Variants in G3BP1 observed in about 807,000 individuals in gnomAD.
G3BP1 encodes the protein ras GTPase-activating protein-binding protein 1.
G3BP1 carries 35 observed loss-of-function variants against 58.6 expected under a neutral mutation model. The observed-to-expected ratio is 0.60, with a 90% CI of 0.46 to 0.79. The LOEUF is 0.79. Ranked by LOEUF, G3BP1 falls within the 30% of genes least tolerant of loss-of-function variation. The pLI is 0.00. For synonymous variants in G3BP1, 191 were observed against 195.4 expected (o/e 0.98, Z 0.19); for missense variants, 523 against 580.8 (o/e 0.90, Z 1.02).
intron 1 of G3BP1, among the ~76,000 whole-genome samples, chr5:151,773,445 C>T (rs1762312695): frequency 6.6e-6 from 1 of 152,114 alleles, no homozygotes; most frequent in East Asian, 1.9e-4. Context: ...GTGTACACTC[C>T]GTTTATTTAG....
At chr5:151,793,221 G>C (rs190329109) in intron 4 of G3BP1, among the ~76,000 whole-genome samples, 1 of 152,066 alleles carries the variant, frequency 6.6e-6, no homozygotes, top group South Asian at 2.1e-4. Flanking sequence ...CAATCCTCCC[G>C]CCTCAGCCTC....
rs1763018036 is a variant in G3BP1 at position 151,811,475 on chromosome 5, A to G, written c.*7384A>G. The G allele has an allele frequency of 6.6e-6, 1 of 152,240 alleles. No individual in the cohort carries two copies. Among genetic ancestry groups the G allele is most frequent in the Non-Finnish European group, 1.5e-5 (1 of 68,046 alleles). 9.4% of individuals were successfully genotyped at this position (152,240 alleles called of 1,614,324 possible). A position where few individuals can be genotyped will look rare whatever the true frequency, so the allele number is the denominator to read the frequency against. On this transcript the variant is annotated 3_prime_UTR_variant, in exon 12 of 12. Coordinates refer to ENST00000356245, the MANE Select transcript of G3BP1 (RefSeq NM_005754.3). ...CATATAAAGTTGGTTAAATAGTAAT[A>G]ATTATGAGTTAACCACAGAAAATTT...
At chr5:151,775,716 G>GT (rs1762358591) in intron 1 of G3BP1, among the ~76,000 whole-genome samples, 1 of 152,224 alleles carries the variant, frequency 6.6e-6, no homozygotes, top group Non-Finnish European at 1.5e-5. Flanking sequence ...AGTATTAACT[G>GT]TAACATATCT....
chr5:151,803,804 C>A, intron 11 of G3BP1, 81 bp from the exon 12 acceptor site: 1 of 967,184 alleles, frequency 1.0e-6, no homozygotes, highest in Non-Finnish European at 1.6e-6. Flanking sequence ...TCTGCTGGTT[C>A]ATTATTACAG....
chr5:151,812,331 C>T lies in G3BP1; in HGVS notation c.*8240C>T, dbSNP rs1403456736. On this transcript the variant is annotated 3_prime_UTR_variant, in exon 12 of 12. Coordinates refer to ENST00000356245, the MANE Select transcript of G3BP1 (RefSeq NM_005754.3). The stretch of plus-strand genomic sequence containing the variant: ...AAACATGCCCTAGCTATTGGAAGTT[C>T]GTATCTAACTTTTACCCCTTGTGTG... 2 of 152,146 alleles carry T rather than the reference C, an allele frequency of 1.3e-5. No individual in the cohort carries two copies. Among genetic ancestry groups the T allele is most frequent in the Non-Finnish European group, 2.9e-5 (2 of 68,028 alleles). The allele number at this position is 152,146 out of a possible 1,614,324, so 9.4% of individuals were successfully genotyped here.
At chr5:151,799,167 T>G (rs756095993) in intron 7 of G3BP1, 45 bp from the exon 8 acceptor site, 2 of 938,804 alleles carry the variant, frequency 2.1e-6, no homozygotes, top group African/African-American at 3.2e-5. Flanking sequence ...TTTATATTGT[T>G]TTGATACCTG....
chr5:151,788,003 C>T (rs750678872), intron 2 of G3BP1, among the ~76,000 whole-genome samples: 8 of 151,840 alleles, frequency 5.3e-5, no homozygotes, highest in Non-Finnish European at 7.4e-5. Context: ...CAGCTCACTG[C>T]AGCCTTGAAC....
At chr5:151,802,345 C>T (rs148010794) in intron 11 of G3BP1, among the ~76,000 whole-genome samples, 6 of 152,280 alleles carry the variant, frequency 3.9e-5, no homozygotes, top group Non-Finnish European at 7.4e-5. Flanking sequence ...GCCTAGTGGC[C>T]ACCCTTCATT....
At chr5:151,786,380 C>G (rs1184579308) in intron 1 of G3BP1, among the ~76,000 whole-genome samples, 192 bp from the exon 2 acceptor site, 1 of 152,154 alleles carries the variant, frequency 6.6e-6, no homozygotes, top group Non-Finnish European at 1.5e-5. Flanking sequence ...ATGATGAATT[C>G]TTCATAATGA....
At chr5:151,785,704 G>A (rs1762544601) in intron 1 of G3BP1, among the ~76,000 whole-genome samples, 1 of 152,038 alleles carries the variant, frequency 6.6e-6, no homozygotes, top group Non-Finnish European at 1.5e-5. Flanking sequence ...GATACAGTAG[G>A]AATTATTTTG....
At chr5:151,776,086 C>T (rs1762364461) in intron 1 of G3BP1, among the ~76,000 whole-genome samples, 1 of 152,138 alleles carries the variant, frequency 6.6e-6, no homozygotes, top group Non-Finnish European at 1.5e-5. Context: ...TCCAAGATGC[C>T]ACATTGTATG....
chr5:151,774,860 A>C (rs767923610), intron 1 of G3BP1, among the ~76,000 whole-genome samples: 1 of 152,130 alleles, frequency 6.6e-6, no homozygotes, highest in Non-Finnish European at 1.5e-5. Context: ...ATTATCTTAC[A>C]TGTAGTTGGT....
Position 151,795,514 on chromosome 5 carries a change from C to A in G3BP1, c.478C>A (p.Gln160Lys). ...EEEVEEPEER[Q>K]QTPEVVPDDS... Reference sequence around the variant, plus strand: ...AGAAGTAGAGGAACCTGAAGAAAGACAGCAAACACCTGAGGTGGTACCTGA... The same window carrying A: ...AGAAGTAGAGGAACCTGAAGAAAGAAAGCAAACACCTGAGGTGGTACCTGA... The change falls in exon 6 of 12, where the codon CAG becomes AAG. Residue 160 changes from glutamine (Q) to lysine (K), a missense_variant. Gln to Lys is a moderately conservative substitution (Grantham distance 53, BLOSUM62 1). Around this residue, in one of 2 missense-constraint regions of G3BP1, gnomAD observed 398 missense variants for 399.1 expected, o/e 1.00. Transcript: ENST00000356245. 1 of 1,604,202 alleles carries A rather than the reference C, an allele frequency of 6.2e-7. No homozygotes were observed. The highest frequency in any genetic ancestry group is 8.5e-7 in the Non-Finnish European group (1 of 1,171,636).
At chr5:151,796,632 A>G (rs1389444709) in intron 6 of G3BP1, among the ~76,000 whole-genome samples, 10 of 152,020 alleles carry the variant, frequency 6.6e-5, no homozygotes, top group Admixed American at 1.3e-4. Flanking sequence ...AATCATAACT[A>G]TTTTCTCCCC....
At chr5:151,787,836 TCAATTCATAA>T in intron 2 of G3BP1, 1 of 81,400 alleles carries the variant, frequency 1.2e-5, no homozygotes, top group South Asian at 1.4e-4. Flanking sequence ...ATGAATATTT[TCAATTCATAA>T]AATAAAATTT....
At chr5:151,794,308 C>T in intron 5 of G3BP1, 59 bp downstream of exon 5, 1 of 877,216 alleles carries the variant, frequency 1.1e-6, no homozygotes, top group East Asian at 2.4e-5. Flanking sequence ...CATCCGATTG[C>T]CCTTAAGAGA....
chr5:151,791,225 C>T (rs923583741), intron 4 of G3BP1, 163 bp downstream of exon 4: 2 of 578,136 alleles, frequency 3.5e-6, no homozygotes, highest in Non-Finnish European at 6.3e-6. Flanking sequence ...CAGCTGTCAC[C>T]ACTTGCCCAC....
chr5:151,796,383 C>A (rs888048730), intron 6 of G3BP1, among the ~76,000 whole-genome samples: 28 of 152,210 alleles, frequency 1.8e-4, no homozygotes, highest in Non-Finnish European at 3.2e-4. Flanking sequence ...ATCCCCCTGC[C>A]TCAGCCTCCT....
At position 151,809,262 on chromosome 5, in the gene G3BP1, T is replaced by A. The variant is rs1167086490; in HGVS notation, c.*5171T>A. 1 of 152,194 alleles carries A rather than the reference T, an allele frequency of 6.6e-6. No homozygotes were observed. The highest frequency in any genetic ancestry group is 1.5e-5 in the Non-Finnish European group (1 of 68,036). 9.4% of individuals were successfully genotyped at this position (152,194 alleles called of 1,614,324 possible). Reference sequence around the variant, plus strand: ...TGATGTCAGTTGTTCTCCTAAATTTTAAAATTTTGTTATGAAGATTGGATG... The same window carrying A: ...TGATGTCAGTTGTTCTCCTAAATTTAAAAATTTTGTTATGAAGATTGGATG... On this transcript the variant is annotated 3_prime_UTR_variant, in exon 12 of 12. Transcript: ENST00000356245.
Sources: allele counts gnomAD v4.1 joint callset (sites outside exome capture counted in the v4.1 genomes callset), GRCh38; gene constraint gnomAD v4.1.1; regional missense constraint gnomAD v4.1.1; transcripts MANE v1.5; gene names NCBI Gene and HGNC (gene_info 2026-07-23, HGNC 2026-07-21).